The following CPLANE1 variants were observed in gnomAD, a reference collection of about 807,000 sequenced individuals.
The protein encoded by CPLANE1 is ciliogenesis and planar polarity effector complex subunit 1, also known as ciliogenesis and planar polarity effector 1.
In CPLANE1, 263 loss-of-function variants were observed where a neutral mutation model predicts 362.5. The ratio of observed to expected loss-of-function variants is 0.73; its 90% CI spans 0.66 to 0.80. The LOEUF (loss-of-function observed/expected upper bound fraction) is 0.80, where lower values mean the gene tolerates loss of function less well. CPLANE1 is among the 30% of genes least tolerant of loss of function. The pLI, the probability that CPLANE1 is intolerant of heterozygous loss-of-function variation, is 0.00. For synonymous variants in CPLANE1, 1,212 were observed against 1,302.6 expected (o/e 0.93, Z 1.50); for missense variants, 3,461 against 3,793.4 (o/e 0.91, Z 2.30).
chr5:37,101,771 T>C (rs1170917610), downstream of CPLANE1, among the ~76,000 whole-genome samples: 2 of 152,324 alleles, frequency 1.3e-5, no homozygotes, highest in African/African-American at 2.4e-5. Flanking sequence ...AGTGACTCAA[T>C]TTCAGAAATT....
chr5:37,220,387 T>C (rs1019811966), intron 15 of CPLANE1, among the ~76,000 whole-genome samples: 1 of 152,204 alleles, frequency 6.6e-6, no homozygotes, highest in Non-Finnish European at 1.5e-5. Context: ...ACAGTAAACA[T>C]CTAGCAGTCT....
chr5:37,084,993 A>G, the CPLANE1 span: 1 of 574,436 alleles, frequency 1.7e-6, no homozygotes. Flanking sequence ...CTTTAAAGCA[A>G]CAGCAGTTTA....
chr5:37,175,577 G>A (rs1780938565), intron 31 of CPLANE1, among the ~76,000 whole-genome samples: 1 of 152,168 alleles, frequency 6.6e-6, no homozygotes, highest in South Asian at 2.1e-4. Context: ...AGAATTAAAA[G>A]CATTTCAAAC....
Position 37,107,594 on chromosome 5 carries a change from T to A in CPLANE1, c.*8A>T, listed in dbSNP as rs559116450. 1 of 1,601,766 alleles carries A rather than the reference T, an allele frequency of 6.2e-7. No individual in the cohort carries two copies. Among genetic ancestry groups the A allele is most frequent in the African/African-American group, 1.3e-5 (1 of 74,598 alleles). ...GCCTGTGCATGGAAACCCAATGATA[T>A]CCAGGTCTTACAGGTCCAGGGCCCA... is the stretch of plus-strand genomic sequence containing the variant. On this transcript the variant is annotated 3_prime_UTR_variant, in exon 53 of 53. Transcript: ENST00000651892.
At position 37,165,664 on chromosome 5, in the gene CPLANE1, T is replaced by C. The variant is rs144391535; in HGVS notation, c.7408A>G (p.Arg2470Gly). 222 of 1,604,360 alleles carry C rather than the reference T, an allele frequency of 1.4e-4. 1 individual carries two copies. In the African/African-American group the frequency reaches 2.7e-3, roughly 19 times the overall value. Reference protein sequence around the residue: ...QGKDSKKRQRRRAEKELQEKR... With the variant: ...QGKDSKKRQRGRAEKELQEKR... ...TCTTGCAGCTCTTTCTCAGCTCTTC[T>C]TCTTTGCCTGTTAAACATAATAGCA... is the stretch of plus-strand genomic sequence containing the variant. The change falls in exon 36 of 53, where the codon AGA becomes GGA. Residue 2470 changes from arginine to glycine, a missense_variant. Transcript: ENST00000651892.
chr5:37,164,732 C>T (rs1412630266), intron 36 of CPLANE1, among the ~76,000 whole-genome samples: 1 of 152,110 alleles, frequency 6.6e-6, no homozygotes, highest in Non-Finnish European at 1.5e-5. Context: ...TCAATGTAAA[C>T]AAAACTATTA....
intron 26 of CPLANE1, among the ~76,000 whole-genome samples, chr5:37,181,733 T>C (rs528905550): frequency 2.1e-4 from 32 of 152,198 alleles, no homozygotes; most frequent in African/African-American, 7.5e-4. Context: ...AAGGATCACT[T>C]GAGCCCAGGA....
intron 50 of CPLANE1, among the ~76,000 whole-genome samples, chr5:37,117,153 A>G (rs1761248820): frequency 6.6e-6 from 1 of 152,198 alleles, no homozygotes; most frequent in Admixed American, 6.5e-5. Context: ...TCCTTGAACA[A>G]TAATTTGTTT....
At chr5:37,131,245 A>G (rs1765695754) in intron 46 of CPLANE1, among the ~76,000 whole-genome samples, 1 of 152,166 alleles carries the variant, frequency 6.6e-6, no homozygotes, top group Non-Finnish European at 1.5e-5. Flanking sequence ...CCCTGAAGCA[A>G]AATGAAAAGA....
chr5:37,127,786 G>A (rs995984612), intron 46 of CPLANE1, among the ~76,000 whole-genome samples: 2 of 151,224 alleles, frequency 1.3e-5, no homozygotes, highest in African/African-American at 4.9e-5. Flanking sequence ...AAAATGCTGG[G>A]ATTATAGGCA....
chr5:37,236,151 C>G (rs1481554307), intron 8 of CPLANE1, among the ~76,000 whole-genome samples: 1 of 152,108 alleles, frequency 6.6e-6, no homozygotes, highest in East Asian at 1.9e-4. Context: ...CGTTAGCCAC[C>G]ATGCCCAGCC....
chr5:37,215,725 T>TTTCC lies in CPLANE1; in HGVS notation c.2747-1997_2747-1994dup, dbSNP rs1452674098. 1.3e-4 allele frequency among the ~76,000 whole-genome samples: 20 copies of TTTCC among 150,718 alleles called. No homozygotes were observed. The East Asian group carries it at 3.9e-3, about 29-fold the overall frequency. ...AGAATTTCATTATTTATTTCCCGTT[T>TTTCC]TTCCTTCTCTTTCCTTTTTTTTTTT... On this transcript the variant is annotated intron_variant, in intron 15 of 52. Transcript: ENST00000651892.
intron 50 of CPLANE1, among the ~76,000 whole-genome samples, chr5:37,118,636 T>C (rs965607339): frequency 4.0e-5 from 6 of 151,838 alleles, no homozygotes; most frequent in Non-Finnish European, 8.8e-5. Flanking sequence ...GTCTTTAAAG[T>C]GGGAACATAA....
chr5:37,147,032 G>A (rs1161938200), intron 43 of CPLANE1, among the ~76,000 whole-genome samples: 1 of 152,056 alleles, frequency 6.6e-6, no homozygotes, highest in Non-Finnish European at 1.5e-5. Flanking sequence ...AGATTTACAA[G>A]GAGAAATAAT....
In CPLANE1 at chr5:37,157,871, G is replaced by A; in HGVS notation, c.7813-3C>T. On this transcript the variant is annotated splice_region_variant and splice_polypyrimidine_tract_variant and intron_variant, in intron 39 of 52. Coordinates refer to ENST00000651892, the MANE Select transcript of CPLANE1 (RefSeq NM_001384732.1). ...ACATTTATATAAGTATGTCCAACCTGAGCCAAAACACATAAAACCAAAGAG... is the reference window on the plus strand; with the variant it reads ...ACATTTATATAAGTATGTCCAACCTAAGCCAAAACACATAAAACCAAAGAG... 4.3e-6 allele frequency: 6 copies of A among 1,406,772 alleles called. No individual in the cohort carries two copies. The highest frequency in any genetic ancestry group is 5.7e-6 in the Non-Finnish European group (6 of 1,056,798). The allele number at this position is 1,406,772 out of a possible 1,614,324, so 87.1% of individuals were successfully genotyped here.
At chr5:37,225,009 TCCTGGGCCCAAGC>T (rs1242790602) in intron 12 of CPLANE1, among the ~76,000 whole-genome samples, 3 of 148,500 alleles carry the variant, frequency 2.0e-5, no homozygotes, top group Non-Finnish European at 3.0e-5. Flanking sequence ...GATCTCAAAC[TCCTGGGCCCAAGC>T]GATCACCCTA....
chr5:37,245,900 A>G, intron 2 of CPLANE1, 55 bp from the exon 3 acceptor site: 3 of 1,406,402 alleles, frequency 2.1e-6, no homozygotes, highest in Non-Finnish European at 2.8e-6. Flanking sequence ...AATTCAACTT[A>G]CTGCCTAAAT....
At chr5:37,211,564 G>A (rs2150214455) in intron 16 of CPLANE1, 3 of 1,099,952 alleles carry the variant, frequency 2.7e-6, no homozygotes, top group Non-Finnish European at 4.2e-6. Context: ...TCCTCCAGAC[G>A]CCTCTCCTCC....
At chr5:37,153,380 A>G (rs1774117467) in intron 42 of CPLANE1, among the ~76,000 whole-genome samples, 2 of 152,212 alleles carry the variant, frequency 1.3e-5, no homozygotes, top group South Asian at 2.1e-4. Flanking sequence ...TAATAGCATT[A>G]TACATGGGTT....
Sources: gnomAD v4.1 joint callset for allele counts (sites outside exome capture counted in the v4.1 genomes callset) on GRCh38, gnomAD v4.1.1 for gene constraint, MANE v1.5 for transcripts, NCBI Gene and HGNC (gene_info 2026-07-23, HGNC 2026-07-21) for gene names.